Variants in NEGR1 observed in about 807,000 individuals in gnomAD.
The protein encoded by NEGR1 is neuronal growth regulator 1.
Under a neutral mutation model 40.9 loss-of-function variants are expected in NEGR1, and 10 were observed. The observed-to-expected ratio is 0.24, with a 90% CI of 0.15 to 0.42. NEGR1 has a LOEUF of 0.42. Among genes scored for constraint, NEGR1 ranks in the 10% least tolerant of loss-of-function variants. NEGR1 has a pLI of 1.00. For missense variants in NEGR1, 352 were observed against 438.9 expected, an observed-to-expected ratio of 0.80 and a Z score of 1.77; for synonymous variants, 185 against 166.8, an observed-to-expected ratio of 1.11 and a Z score of -0.84.
chr1:72,152,117 T>C (rs542620571), intron 1 of NEGR1, among the ~76,000 whole-genome samples: 35 of 152,004 alleles, frequency 2.3e-4, no homozygotes, highest in Non-Finnish European at 4.3e-4. Context: ...GATTACATAT[T>C]AGAACTTAAG....
intron 2 of NEGR1, among the ~76,000 whole-genome samples, chr1:71,811,380 C>A (rs1657994847): frequency 6.6e-6 from 1 of 152,058 alleles, no homozygotes; most frequent in Non-Finnish European, 1.5e-5. Flanking sequence ...GCCCCTCTGA[C>A]TGGAATTCTT....
intron 1 of NEGR1, among the ~76,000 whole-genome samples, chr1:71,945,247 C>A (rs1192424133): frequency 6.6e-6 from 1 of 152,000 alleles, no homozygotes; most frequent in Non-Finnish European, 1.5e-5. Flanking sequence ...ACTTACTTGA[C>A]AAAATTGTTA....
At chr1:71,714,045 G>C (rs572435921) in intron 3 of NEGR1, among the ~76,000 whole-genome samples, 36 of 152,140 alleles carry the variant, frequency 2.4e-4, no homozygotes, top group African/African-American at 8.2e-4. Flanking sequence ...CCAGAGACTG[G>C]GTAATTTATA....
chr1:72,049,648 G>A (rs748405592), intron 1 of NEGR1, among the ~76,000 whole-genome samples: 2 of 150,782 alleles, frequency 1.3e-5, no homozygotes, highest in African/African-American at 4.9e-5. Context: ...TGTACACATT[G>A]TCAACGCATA....
At chr1:72,062,850 T>G (rs994310259) in intron 1 of NEGR1, among the ~76,000 whole-genome samples, 1 of 151,966 alleles carries the variant, frequency 6.6e-6, no homozygotes, top group Non-Finnish European at 1.5e-5. Context: ...ACTGCCCACA[T>G]GGCATTATTA....
intron 1 of NEGR1, among the ~76,000 whole-genome samples, chr1:71,997,477 C>T (rs1417660271): frequency 6.6e-6 from 1 of 151,992 alleles, no homozygotes; most frequent in Non-Finnish European, 1.5e-5. Flanking sequence ...CATGAAGCAT[C>T]ATCTAATACA....
intron 6 of NEGR1, among the ~76,000 whole-genome samples, chr1:71,431,275 C>CA (rs1010916655): frequency 1.3e-5 from 2 of 151,766 alleles, no homozygotes; most frequent in African/African-American, 2.4e-5. Flanking sequence ...CTAAAATACA[C>CA]AAAAAAGGAC....
intron 3 of NEGR1, among the ~76,000 whole-genome samples, chr1:71,774,688 A>G (rs560561613): frequency 6.8e-5 from 1 of 14,688 alleles, no homozygotes; most frequent in African/African-American, 8.5e-5. Context: ...TATTTTCACA[A>G]AAAAAAAATA....
At chr1:72,131,724 G>T (rs1250715911) in intron 1 of NEGR1, among the ~76,000 whole-genome samples, 1 of 152,148 alleles carries the variant, frequency 6.6e-6, no homozygotes, top group East Asian at 1.9e-4. Flanking sequence ...ACCTAGGAAT[G>T]TACTACATAT....
At chr1:71,930,095 G>A (rs1450915343) in intron 2 of NEGR1, among the ~76,000 whole-genome samples, 1 of 151,922 alleles carries the variant, frequency 6.6e-6, no homozygotes, top group Non-Finnish European at 1.5e-5. Context: ...AGATTAAGGT[G>A]GTAATCAAAA....
At chr1:71,610,278 A>C (rs1650211477) in intron 5 of NEGR1, among the ~76,000 whole-genome samples, 1 of 152,128 alleles carries the variant, frequency 6.6e-6, no homozygotes, top group Non-Finnish European at 1.5e-5. Flanking sequence ...ATTCCTCCCT[A>C]GTTTTGACGC....
chr1:71,900,508 T>G (rs1661115417), intron 2 of NEGR1, among the ~76,000 whole-genome samples: 1 of 152,202 alleles, frequency 6.6e-6, no homozygotes, highest in Non-Finnish European at 1.5e-5. Context: ...TCATTTTCAT[T>G]TAATAATATT....
At chr1:71,813,093 TGA>T (rs945256990) in intron 2 of NEGR1, among the ~76,000 whole-genome samples, 21 of 152,172 alleles carry the variant, frequency 1.4e-4, no homozygotes, top group African/African-American at 4.6e-4. Flanking sequence ...TAATCCATCT[TGA>T]GTCAATTTTT....
intron 1 of NEGR1, among the ~76,000 whole-genome samples, chr1:71,979,894 G>T (rs1454215768): frequency 6.6e-6 from 1 of 152,104 alleles, no homozygotes; most frequent in Non-Finnish European, 1.5e-5. Context: ...TGCAACCAGA[G>T]AAATTATATC....
intron 1 of NEGR1, among the ~76,000 whole-genome samples, chr1:72,089,803 A>AAT (rs1648389535): frequency 6.6e-6 from 1 of 152,170 alleles, no homozygotes; most frequent in South Asian, 2.1e-4. Flanking sequence ...ATTATGGACT[A>AAT]TTAAATATAT....
intron 4 of NEGR1, among the ~76,000 whole-genome samples, chr1:71,644,453 C>A (rs693711): frequency 6.6e-6 from 1 of 151,872 alleles, no homozygotes; most frequent in African/African-American, 2.4e-5. Flanking sequence ...ACCTTGTCTT[C>A]TTTTCTATTG....
At chr1:71,664,479 T>C (rs1457052716) in intron 4 of NEGR1, among the ~76,000 whole-genome samples, 2 of 152,168 alleles carry the variant, frequency 1.3e-5, no homozygotes, top group Non-Finnish European at 2.9e-5. Flanking sequence ...GGCCTCCCTC[T>C]CCTGACCAAG....
In NEGR1 at chr1:71,398,562, A is replaced by G. The variant is rs1217859519; in HGVS notation, c.*8884T>C. 6.6e-6 allele frequency: 1 copy of G among 152,216 alleles called. No individual in the cohort carries two copies. The highest frequency in any genetic ancestry group is 1.5e-5 in the Non-Finnish European group (1 of 68,072). 9.4% of individuals were successfully genotyped at this position (152,216 alleles called of 1,614,324 possible). Reference sequence around the variant, plus strand: ...CTTCCATTGCATCTAGGAAGTAACTAACTTGCTTTTGATTTTACTGGCTGC... The same window carrying G: ...CTTCCATTGCATCTAGGAAGTAACTGACTTGCTTTTGATTTTACTGGCTGC... On this transcript the variant is annotated 3_prime_UTR_variant, in exon 7 of 7. Coordinates refer to ENST00000357731, the MANE Select transcript of NEGR1 (RefSeq NM_173808.3).
At chr1:72,260,378 C>A (rs1032136969) in intron 1 of NEGR1, among the ~76,000 whole-genome samples, 1 of 152,056 alleles carries the variant, frequency 6.6e-6, no homozygotes, top group Admixed American at 6.6e-5. Flanking sequence ...TTAAATTATA[C>A]AATCTATATT....
Sources: allele counts gnomAD v4.1 joint callset (sites outside exome capture counted in the v4.1 genomes callset), GRCh38; gene constraint gnomAD v4.1.1; transcripts MANE v1.5; gene names NCBI Gene and HGNC (gene_info 2026-07-23, HGNC 2026-07-21).